Variants in SAMD12 observed in about 807,000 individuals in gnomAD.
SAMD12 encodes sterile alpha motif domain containing 12, also known as sterile alpha motif domain-containing protein 12.
Under a neutral mutation model 15.0 loss-of-function variants are expected in SAMD12, and 9 were observed. The observed-to-expected ratio is 0.60, with a 90% CI of 0.36 to 1.05. The LOEUF is 1.05. SAMD12 is among the 50% of genes least tolerant of loss of function. SAMD12 has a pLI of 0.01. For synonymous variants in SAMD12, 86 were observed against 90.1 expected (o/e 0.96, Z 0.25); for missense variants, 230 against 234.2 (o/e 0.98, Z 0.12).
chr8:118,305,144 C>CAAAAAAAAAA (rs56200866), intron 4 of SAMD12, among the ~76,000 whole-genome samples: 1 of 48,842 alleles, frequency 2.0e-5, no homozygotes, highest in Non-Finnish European at 3.7e-5. Context: ...GACTCCCTGT[C>CAAAAAAAAAA]AAAAAAAAAA....
At chr8:118,133,524 G>A in the SAMD12 span, among the ~76,000 whole-genome samples, 2 of 152,010 alleles carry the variant, frequency 1.3e-5, no homozygotes, top group South Asian at 2.1e-4. Context: ...TCTTAATCCC[G>A]AGATGGAGGC....
chr8:118,143,574 C>T, the SAMD12 span, among the ~76,000 whole-genome samples: 19 of 152,148 alleles, frequency 1.2e-4, no homozygotes. Context: ...CTCTATCTGT[C>T]ATTATAAATA....
chr8:118,222,052 G>C (rs1431658263), intron 4 of SAMD12, among the ~76,000 whole-genome samples: 1 of 152,202 alleles, frequency 6.6e-6, no homozygotes, highest in Non-Finnish European at 1.5e-5. Context: ...ACCAGTGACA[G>C]CAATTAAGAG....
At chr8:118,542,880 C>A (rs1826023725) in intron 2 of SAMD12, among the ~76,000 whole-genome samples, 1 of 152,106 alleles carries the variant, frequency 6.6e-6, no homozygotes, top group Non-Finnish European at 1.5e-5. Context: ...ATCTTACATG[C>A]AAGGTTGTCC....
intron 2 of SAMD12, among the ~76,000 whole-genome samples, chr8:118,480,951 A>G (rs907256210): frequency 2.6e-5 from 4 of 152,014 alleles, no homozygotes; most frequent in African/African-American, 9.7e-5. Flanking sequence ...AGTTTATTTT[A>G]CTTTATTTTG....
intron 3 of SAMD12, among the ~76,000 whole-genome samples, chr8:118,414,631 T>G (rs1161898368): frequency 1.3e-5 from 2 of 152,088 alleles, no homozygotes; most frequent in African/African-American, 4.8e-5. Context: ...AAGAGTTTGG[T>G]GGTGGGGTAG....
intron 2 of SAMD12, among the ~76,000 whole-genome samples, chr8:118,532,587 A>C (rs1286419007): frequency 6.6e-6 from 1 of 152,124 alleles, no homozygotes; most frequent in Non-Finnish European, 1.5e-5. Context: ...TTTGGTTCGT[A>C]GGCTCTTAAT....
chr8:118,462,609 A>G (rs1823458643), intron 2 of SAMD12, among the ~76,000 whole-genome samples: 1 of 152,188 alleles, frequency 6.6e-6, no homozygotes, highest in South Asian at 2.1e-4. Flanking sequence ...ATCAAATAGA[A>G]TCCTCCACAA....
the SAMD12 span, among the ~76,000 whole-genome samples, chr8:118,150,904 A>G: frequency 0.86 from 130,459 of 152,020 alleles, 56,066 homozygotes; most frequent in Non-Finnish European, 0.89. Context: ...ATTTTTTTGG[A>G]GTATTTTTCA....
chr8:118,182,644 T>C, the SAMD12 span, among the ~76,000 whole-genome samples: 2 of 152,222 alleles, frequency 1.3e-5, no homozygotes, highest in African/African-American at 2.4e-5. Context: ...AAAAAAAACT[T>C]GACGAGCCTG....
At chr8:118,180,135 A>G in the SAMD12 span, among the ~76,000 whole-genome samples, 1 of 152,212 alleles carries the variant, frequency 6.6e-6, no homozygotes. Context: ...ACACCTGCAC[A>G]GGGCTAGCCA....
chr8:118,532,791 T>C (rs1225698019), intron 2 of SAMD12, among the ~76,000 whole-genome samples: 1 of 152,182 alleles, frequency 6.6e-6, no homozygotes, highest in Non-Finnish European at 1.5e-5. Flanking sequence ...GATATCCCCT[T>C]TATCATTTTT....
chr8:118,349,584 G>A (rs937942623), intron 4 of SAMD12, among the ~76,000 whole-genome samples: 3 of 151,512 alleles, frequency 2.0e-5, no homozygotes, highest in African/African-American at 7.3e-5. Context: ...CATTCTACAG[G>A]CTTCCATGGT....
At chr8:118,151,441 C>T in the SAMD12 span, among the ~76,000 whole-genome samples, 1 of 152,084 alleles carries the variant, frequency 6.6e-6, no homozygotes, top group Admixed American at 6.6e-5. Flanking sequence ...CAGTAATGCT[C>T]TATTCATTTT....
intron 4 of SAMD12, among the ~76,000 whole-genome samples, chr8:118,290,858 C>A (rs1814321257): frequency 6.6e-6 from 1 of 152,126 alleles, no homozygotes; most frequent in African/African-American, 2.4e-5. Flanking sequence ...AATAATTAGT[C>A]TTTTTCCAGT....
chr8:118,191,793 TATATATATATATATATATAGAGAG>T (rs1563686533), exon 5 of SAMD12: 13 of 53,468 alleles, frequency 2.4e-4, no homozygotes, highest in African/African-American at 4.8e-4. Flanking sequence ...TATATATATA[TATATATATATATATATATAGAGAG>T]AGAGAGAGAG....
chr8:118,374,829 T>A (rs1305563550), downstream of SAMD12, among the ~76,000 whole-genome samples: 1 of 152,140 alleles, frequency 6.6e-6, no homozygotes, highest in Non-Finnish European at 1.5e-5. Flanking sequence ...GGCTTGTTTT[T>A]TTTTCCCCTT....
rs5020517 is a variant in SAMD12 at position 118,379,552 on chromosome 8, T to C, written c.471A>G (p.Leu157=). 1,095,540 of 1,613,542 alleles carry C rather than the reference T, an allele frequency of 0.68. 379,222 individuals are homozygous for C. Among genetic ancestry groups the C allele is most frequent in the African/African-American group, 0.85 (63,686 of 74,950 alleles). The change falls in exon 4 of 4, where the codon CTA becomes CTG. Residue 157 remains leucine (L), a synonymous_variant. Coordinates refer to ENST00000314727, the MANE Select transcript of SAMD12 (RefSeq NM_207506.3). ...CATCCATCCACCCATCAGGAAGCAA[T>C]AGGGTACCTTGTGTGAGTAACTGTA... The part of the protein sequence containing the change: ...RNLQLLTQGT[L]LLPDGWMDGE...
At chr8:118,437,431 G>C (rs924348323) in intron 3 of SAMD12, among the ~76,000 whole-genome samples, 4 of 152,128 alleles carry the variant, frequency 2.6e-5, no homozygotes, top group African/African-American at 9.7e-5. Context: ...GGAAATAACA[G>C]CATGTTTTTC....
Sources: allele counts gnomAD v4.1 joint callset (sites outside exome capture counted in the v4.1 genomes callset), GRCh38; gene constraint gnomAD v4.1.1; transcripts MANE v1.5; gene names NCBI Gene and HGNC (gene_info 2026-07-23, HGNC 2026-07-21).